The following INVS variants were observed in gnomAD, a reference collection of about 807,000 sequenced individuals.
INVS encodes inversion of embryo turning homolog.
INVS carries 86 observed loss-of-function variants against 108.8 expected under a neutral mutation model. The ratio of observed to expected loss-of-function variants is 0.79; its 90% CI spans 0.66 to 0.95. INVS has a LOEUF of 0.95. Ranked by LOEUF, INVS falls within the 40% of genes least tolerant of loss-of-function variation. INVS has a pLI of 0.00. For synonymous variants in INVS, 455 were observed against 473.5 expected, an observed-to-expected ratio of 0.96 and a Z score of 0.51; for missense variants, 1,169 against 1,297.4, an observed-to-expected ratio of 0.90 and a Z score of 1.52.
At chr9:100,240,573 C>G (rs1380640510) in intron 6 of INVS, among the ~76,000 whole-genome samples, 1 of 152,038 alleles carries the variant, frequency 6.6e-6, no homozygotes, top group Non-Finnish European at 1.5e-5. Context: ...TATGCTAATA[C>G]TATGATATTT....
At chr9:100,241,780 A>G (rs1055348947) in intron 6 of INVS, among the ~76,000 whole-genome samples, 2 of 152,228 alleles carry the variant, frequency 1.3e-5, no homozygotes, top group African/African-American at 4.8e-5. Flanking sequence ...CACTCAAATT[A>G]CTTTTCTCTG....
At chr9:100,265,972 A>G (rs1242290014) in intron 11 of INVS, among the ~76,000 whole-genome samples, 2 of 152,170 alleles carry the variant, frequency 1.3e-5, no homozygotes, top group East Asian at 3.9e-4. Context: ...CCAACTACTC[A>G]GGAGGCTGAA....
At chr9:100,154,314 G>C (rs929602365) in intron 3 of INVS, among the ~76,000 whole-genome samples, 1 of 136,638 alleles carries the variant, frequency 7.3e-6, no homozygotes, top group African/African-American at 3.0e-5. Flanking sequence ...ATAGGTGTGT[G>C]CCACCACAAC....
intron 3 of INVS, among the ~76,000 whole-genome samples, chr9:100,154,326 G>A (rs1400936133): frequency 2.7e-5 from 3 of 111,106 alleles, no homozygotes; most frequent in South Asian, 2.4e-4. Context: ...CACCACAACC[G>A]ACTAATTTTT....
chr9:100,263,162 T>G (rs1747407163), intron 10 of INVS, among the ~76,000 whole-genome samples: 1 of 151,156 alleles, frequency 6.6e-6, no homozygotes, highest in East Asian at 1.9e-4. Context: ...GACACATAGA[T>G]TATTTAGAAG....
At chr9:100,158,758 G>A (rs550375251) in intron 3 of INVS, among the ~76,000 whole-genome samples, 66 of 152,322 alleles carry the variant, frequency 4.3e-4, no homozygotes, top group Middle Eastern at 3.4e-3. Context: ...CAAATCCCGC[G>A]TTGAAATTTG....
At chr9:100,195,441 C>G (rs1176809050) in intron 3 of INVS, among the ~76,000 whole-genome samples, 1 of 152,066 alleles carries the variant, frequency 6.6e-6, no homozygotes, top group Non-Finnish European at 1.5e-5. Flanking sequence ...CTCAGCCTCT[C>G]GAGTAGCTGG....
At chr9:100,112,064 C>T (rs890301092) in intron 2 of INVS, among the ~76,000 whole-genome samples, 39 of 152,068 alleles carry the variant, frequency 2.6e-4, no homozygotes, top group African/African-American at 9.2e-4. Flanking sequence ...CTCTGCCTTC[C>T]GGGTTCAAGT....
chr9:100,299,937 T>A (rs1833914023), intron 16 of INVS, among the ~76,000 whole-genome samples: 2 of 152,328 alleles, frequency 1.3e-5, no homozygotes, highest in Admixed American at 6.5e-5. Context: ...TGTTTGTTAC[T>A]TTTAAAAACT....
intron 3 of INVS, among the ~76,000 whole-genome samples, chr9:100,214,271 A>C (rs78236607): frequency 0.014 from 2,186 of 152,254 alleles, 43 homozygotes; most frequent in African/African-American, 0.05. Flanking sequence ...TGACCCATGC[A>C]AGGGAGTTTA....
At chr9:100,202,057 T>A (rs1285609072) in intron 3 of INVS, among the ~76,000 whole-genome samples, 3 of 151,948 alleles carry the variant, frequency 2.0e-5, no homozygotes, top group Non-Finnish European at 2.9e-5. Context: ...TCCATTATTC[T>A]TCTGACTGGG....
chr9:100,275,155 C>CA (rs1030298154), intron 12 of INVS, among the ~76,000 whole-genome samples: 18 of 152,286 alleles, frequency 1.2e-4, no homozygotes, highest in Admixed American at 9.8e-4. Flanking sequence ...CCAGTATCAA[C>CA]ATAAAGCCTC....
At position 100,300,654 on chromosome 9, in the gene INVS, A is replaced by AAAAAC. The variant is rs1564197221; in HGVS notation, c.3189_3193dup (p.Pro1065GlnfsTer43). 2.5e-6 allele frequency: 4 copies of AAAAAC among 1,613,422 alleles called. No homozygotes were observed. Among genetic ancestry groups the AAAAAC allele is most frequent in the Admixed American group, 3.3e-5 (2 of 60,020 alleles). ...TAACCTGCAATCAGCTACTCAGCCA[A>AAAAAC]AAAACAAAACAAAACCTTGACTGCC... On this transcript the variant is annotated frameshift_variant, in exon 17 of 17. Coordinates refer to ENST00000262457, the MANE Select transcript of INVS (RefSeq NM_014425.5). LOFTEE classifies it high-confidence loss of function.
intron 1 of INVS, among the ~76,000 whole-genome samples, chr9:100,100,692 A>ATATACATATAATATATATAT (rs1826841121): frequency 6.0e-4 from 1 of 1,676 alleles, no homozygotes; most frequent in Non-Finnish European, 8.5e-4. Context: ...TATATATATT[A>ATATACATATAATATATATAT]TATATGTACA....
chr9:100,258,893 A>C (rs1468582162), intron 10 of INVS, among the ~76,000 whole-genome samples: 1 of 152,206 alleles, frequency 6.6e-6, no homozygotes, highest in East Asian at 1.9e-4. Context: ...TAGTCTGTCC[A>C]TTCTCAGATC....
chr9:100,131,820 T>C, intron 3 of INVS: 1 of 607,882 alleles, frequency 1.6e-6, no homozygotes, highest in African/African-American at 2.0e-5. Context: ...TTTTTTTAAA[T>C]TCATAAATAA....
At chr9:100,285,819 G>C (rs1833423159) in intron 13 of INVS, among the ~76,000 whole-genome samples, 1 of 152,124 alleles carries the variant, frequency 6.6e-6, no homozygotes, top group Non-Finnish European at 1.5e-5. Flanking sequence ...CAAAATTCCA[G>C]ACTCCCAGAA....
intron 5 of INVS, among the ~76,000 whole-genome samples, chr9:100,230,690 C>T (rs1220738382): frequency 1.3e-5 from 2 of 151,778 alleles, no homozygotes; most frequent in Admixed American, 6.6e-5. Flanking sequence ...GGCTAATTTC[C>T]GTATTTTTAG....
At chr9:100,149,691 A>G (rs973315390) in intron 3 of INVS, among the ~76,000 whole-genome samples, 1 of 152,184 alleles carries the variant, frequency 6.6e-6, no homozygotes, top group African/African-American at 2.4e-5. Context: ...TAGTTTATGT[A>G]CTTCTATTTA....
Sources: allele counts gnomAD v4.1 joint callset (sites outside exome capture counted in the v4.1 genomes callset), GRCh38; gene constraint gnomAD v4.1.1; transcripts MANE v1.5; gene names NCBI Gene and HGNC (gene_info 2026-07-23, HGNC 2026-07-21).